Variants in CAPZB observed in about 807,000 individuals in gnomAD.
CAPZB encodes F-actin-capping protein subunit beta.
CAPZB carries 2 observed loss-of-function variants against 38.1 expected under a neutral mutation model. The ratio of observed to expected loss-of-function variants is 0.05; its 90% CI spans 0.02 to 0.17. CAPZB has a LOEUF of 0.17. Ranked by LOEUF, CAPZB falls within the 10% of genes least tolerant of loss-of-function variation. The pLI, the probability that CAPZB is intolerant of heterozygous loss-of-function variation, is 1.00. For synonymous variants in CAPZB, 107 were observed against 127.4 expected, an observed-to-expected ratio of 0.84 and a Z score of 1.08; for missense variants, 161 against 334.2, an observed-to-expected ratio of 0.48 and a Z score of 4.04.
At chr1:19,409,806 T>C (rs2094349679) in intron 2 of CAPZB, among the ~76,000 whole-genome samples, 1 of 152,222 alleles carries the variant, frequency 6.6e-6, no homozygotes, top group Admixed American at 6.5e-5. Context: ...CTAAGTTAAA[T>C]TTGCATGCAG....
chr1:19,399,539 G>A (rs942132303), intron 2 of CAPZB, among the ~76,000 whole-genome samples: 1 of 152,192 alleles, frequency 6.6e-6, no homozygotes, highest in Admixed American at 6.5e-5. Flanking sequence ...TGGCCTGGAA[G>A]TCAGAGCTGG....
chr1:19,359,208 CTCTTTT>C (rs1558183733), intron 4 of CAPZB, among the ~76,000 whole-genome samples: 6 of 94,488 alleles, frequency 6.4e-5, no homozygotes, highest in Admixed American at 2.3e-4. Context: ...ATTCTCTGTA[CTCTTTT>C]TTTTTTTTTT....
At chr1:19,385,411 G>T in intron 3 of CAPZB, 94 bp downstream of exon 3, 1 of 1,468,754 alleles carries the variant, frequency 6.8e-7, no homozygotes, top group Non-Finnish European at 9.4e-7. Context: ...GCTGCCAGCT[G>T]CCCAAGTCCA....
chr1:19,377,071 T>C (rs115753737), intron 4 of CAPZB, among the ~76,000 whole-genome samples: 1 of 152,254 alleles, frequency 6.6e-6, no homozygotes, highest in African/African-American at 2.4e-5. Flanking sequence ...ATTACCAGTA[T>C]TATCACTTTA....
At chr1:19,431,890 AAC>A (rs1300366946) in intron 1 of CAPZB, among the ~76,000 whole-genome samples, 1 of 151,430 alleles carries the variant, frequency 6.6e-6, no homozygotes, top group African/African-American at 2.4e-5. Context: ...CAGCCTGGGA[AAC>A]ACAGCGAGAC....
intron 2 of CAPZB, among the ~76,000 whole-genome samples, chr1:19,405,150 A>C (rs568442625): frequency 6.6e-6 from 1 of 152,284 alleles, no homozygotes; most frequent in African/African-American, 2.4e-5. Flanking sequence ...CAGATCACAC[A>C]GCCTAGAATG....
chr1:19,471,992 G>A (rs1257893034), intron 1 of CAPZB, among the ~76,000 whole-genome samples: 1 of 152,052 alleles, frequency 6.6e-6, no homozygotes, highest in African/African-American at 2.4e-5. Flanking sequence ...ATATTCCCAG[G>A]ATTCTCCTAC....
intron 4 of CAPZB, among the ~76,000 whole-genome samples, chr1:19,371,912 G>A (rs906968576): frequency 5.3e-5 from 8 of 152,244 alleles, no homozygotes; most frequent in African/African-American, 1.9e-4. Flanking sequence ...GCGGGAAGGA[G>A]CAGGAACAAC....
chr1:19,416,273 C>A (rs900417068), intron 2 of CAPZB, among the ~76,000 whole-genome samples: 2 of 152,202 alleles, frequency 1.3e-5, no homozygotes, highest in Non-Finnish European at 2.9e-5. Context: ...ACAGGCAAAA[C>A]TGACACAGCA....
At chr1:19,462,154 TA>T (rs953483017) in intron 1 of CAPZB, among the ~76,000 whole-genome samples, 35 of 145,600 alleles carry the variant, frequency 2.4e-4, no homozygotes, top group Non-Finnish European at 2.1e-4. Flanking sequence ...CCCATCTCTT[TA>T]AAAAAAAAAA....
At chr1:19,434,550 CT>C (rs11483583) in intron 1 of CAPZB, among the ~76,000 whole-genome samples, 30 of 146,954 alleles carry the variant, frequency 2.0e-4, no homozygotes, top group Non-Finnish European at 2.4e-4. Flanking sequence ...CAGAGTAAGC[CT>C]TTTTTTTTTT....
At chr1:19,443,181 C>G (rs10799811) in intron 1 of CAPZB, among the ~76,000 whole-genome samples, 140,521 of 151,488 alleles carry the variant, frequency 0.93, 65,457 homozygotes, top group Non-Finnish European at 0.97. Flanking sequence ...GAGCCCAGGA[C>G]TTCCGAGACC....
Position 19,356,514 on chromosome 1 carries a change from G to C in CAPZB, c.588+121C>G. On this transcript the variant is annotated intron_variant, in intron 6 of 8. Coordinates refer to ENST00000264202, the MANE Select transcript of CAPZB (RefSeq NM_004930.5). The surrounding 1 kb of genome is among the most constrained non-coding windows in gnomAD (Gnocchi z 4.3). Reference sequence around the variant, plus strand: ...AATGCAAAGCCCTACTTAGATGGTGGATTTATAGCTGGCTGAACATGCTTA... The same window carrying C: ...AATGCAAAGCCCTACTTAGATGGTGCATTTATAGCTGGCTGAACATGCTTA... 1.3e-6 allele frequency: 1 copy of C among 765,732 alleles called. No individual in the cohort carries two copies. The highest frequency in any genetic ancestry group is 2.4e-6 in the Non-Finnish European group (1 of 420,738). 47.4% of individuals were successfully genotyped at this position (765,732 alleles called of 1,614,324 possible).
intron 2 of CAPZB, among the ~76,000 whole-genome samples, chr1:19,400,468 G>T (rs1291593453): frequency 6.6e-6 from 1 of 152,142 alleles, no homozygotes; most frequent in Non-Finnish European, 1.5e-5. Context: ...TTCTAAGGGG[G>T]GCGACCCAGG....
At chr1:19,443,946 C>T (rs775685698) in intron 1 of CAPZB, among the ~76,000 whole-genome samples, 9 of 152,178 alleles carry the variant, frequency 5.9e-5, no homozygotes, top group African/African-American at 9.7e-5. Context: ...GTTCCCCAAA[C>T]GTCCCCTCTG....
At chr1:19,470,219 CAAAAAAT>C (rs141492065) in intron 1 of CAPZB, among the ~76,000 whole-genome samples, 7,013 of 151,928 alleles carry the variant, frequency 0.046, 254 homozygotes, top group African/African-American at 0.1. Flanking sequence ...ACGCTGTCGC[CAAAAAAT>C]AAAAAATAAA....
intron 2 of CAPZB, among the ~76,000 whole-genome samples, chr1:19,401,894 T>A (rs61766717): frequency 0.039 from 5,926 of 152,212 alleles, 135 homozygotes; most frequent in African/African-American, 0.052. Context: ...GAGCAGTGGT[T>A]TTCCCCAAAC....
intron 1 of CAPZB, among the ~76,000 whole-genome samples, chr1:19,444,711 T>C (rs141621891): frequency 3.7e-4 from 57 of 152,296 alleles, no homozygotes; most frequent in African/African-American, 1.3e-3. Context: ...TTTTGTAAGA[T>C]AGCTCCAAAT....
intron 2 of CAPZB, among the ~76,000 whole-genome samples, chr1:19,399,353 A>G (rs1202618267): frequency 6.6e-6 from 1 of 152,238 alleles, no homozygotes; most frequent in Admixed American, 6.5e-5. Flanking sequence ...GTTTCAGAAT[A>G]CGAGTACGTC....
Sources: gnomAD v4.1 joint callset for allele counts (sites outside exome capture counted in the v4.1 genomes callset) on GRCh38, gnomAD v4.1.1 for gene constraint, Gnocchi (gnomAD v3.1) non-coding constraint, MANE v1.5 for transcripts, NCBI Gene and HGNC (gene_info 2026-07-23, HGNC 2026-07-21) for gene names.